The following CSMD1 variants were observed in gnomAD, a reference collection of about 807,000 sequenced individuals.
CSMD1 encodes CUB and sushi domain-containing protein 1.
A neutral mutation model predicts 417.5 loss-of-function variants in CSMD1; 213 were observed. The ratio of observed to expected loss-of-function variants is 0.51; its 90% CI spans 0.46 to 0.57. The LOEUF is 0.57. Ranked by LOEUF, CSMD1 falls within the 20% of genes least tolerant of loss-of-function variation. CSMD1 has a pLI of 0.00. For missense variants in CSMD1, 6,923 were observed against 4,529.7 expected, an observed-to-expected ratio of 1.53 and a Z score of -15.17; for synonymous variants, 2,862 against 1,736.8, an observed-to-expected ratio of 1.65 and a Z score of -16.11.
At chr8:3,483,064 A>G (rs1276732427) in intron 11 of CSMD1, among the ~76,000 whole-genome samples, 1 of 152,144 alleles carries the variant, frequency 6.6e-6, no homozygotes, top group Non-Finnish European at 1.5e-5. Flanking sequence ...CTACCTCAAG[A>G]TTCTAGCATA....
At chr8:4,224,547 G>C (rs78784607) in intron 3 of CSMD1, among the ~76,000 whole-genome samples, 4,366 of 152,202 alleles carry the variant, frequency 0.029, 205 homozygotes, top group African/African-American at 0.1. Flanking sequence ...AGGAACTCAA[G>C]GGAAGAGGAA....
chr8:4,865,227 A>C (rs1442576713), intron 1 of CSMD1, among the ~76,000 whole-genome samples: 1 of 151,862 alleles, frequency 6.6e-6, no homozygotes, highest in Non-Finnish European at 1.5e-5. Context: ...TATTTAAAAA[A>C]TTAAATACTT....
intron 7 of CSMD1, among the ~76,000 whole-genome samples, chr8:3,667,530 G>A (rs1356722867): frequency 1.3e-5 from 2 of 152,128 alleles, no homozygotes; most frequent in African/African-American, 2.4e-5. Flanking sequence ...CTGTTGGGAT[G>A]AGGTCAGGAA....
intron 2 of CSMD1, among the ~76,000 whole-genome samples, chr8:4,533,633 T>C (rs1253729750): frequency 1.3e-5 from 2 of 152,020 alleles, no homozygotes; most frequent in Non-Finnish European, 1.5e-5. Flanking sequence ...ATGATGAAGA[T>C]CTGGCAGACC....
intron 5 of CSMD1, among the ~76,000 whole-genome samples, chr8:3,925,532 G>A (rs76080846): frequency 9.8e-4 from 149 of 152,300 alleles, no homozygotes; most frequent in African/African-American, 3.5e-3. Flanking sequence ...AAAACTTCCA[G>A]AATTCCCAGG....
In CSMD1 at chr8:4,791,583, A is replaced by T. The variant is rs140734846; in HGVS notation, c.86-154025T>A. Among the ~76,000 whole-genome samples, 6 of 152,320 alleles carry T rather than the reference A, an allele frequency of 3.9e-5. No homozygotes were observed. The East Asian group carries it at 1.2e-3, about 29-fold the overall frequency. The stretch of plus-strand genomic sequence containing the variant: ...TTTTGGCTAGAAACTAACGTGAGGA[A>T]ATCTGAAGCAGGACCTTAAGCAGCA... On this transcript the variant is annotated intron_variant, in intron 1 of 69. Transcript: ENST00000635120.
At chr8:4,129,074 C>CAAAAAAAAAAA (rs10538387) in intron 3 of CSMD1, among the ~76,000 whole-genome samples, 1 of 80,746 alleles carries the variant, frequency 1.2e-5, no homozygotes, top group Non-Finnish European at 2.4e-5. Flanking sequence ...GAGTCCAACT[C>CAAAAAAAAAAA]AAAAAAAAAA....
chr8:4,022,327 C>G (rs1476412045), intron 4 of CSMD1, among the ~76,000 whole-genome samples: 1 of 151,908 alleles, frequency 6.6e-6, no homozygotes, highest in Admixed American at 6.6e-5. Flanking sequence ...GTGAACACCC[C>G]TCCAATTCAG....
At chr8:4,132,276 A>C (rs993050390) in intron 3 of CSMD1, among the ~76,000 whole-genome samples, 1 of 149,996 alleles carries the variant, frequency 6.7e-6, no homozygotes, top group Non-Finnish European at 1.5e-5. Flanking sequence ...AATTTTATCC[A>C]AGGTGATGTT....
intron 3 of CSMD1, among the ~76,000 whole-genome samples, chr8:4,075,223 G>C (rs1164752514): frequency 6.6e-6 from 1 of 152,074 alleles, no homozygotes; most frequent in Non-Finnish European, 1.5e-5. Context: ...ATTCTAGTAT[G>C]TGCAGCTTAA....
chr8:4,669,153 C>T (rs148444870), intron 1 of CSMD1, among the ~76,000 whole-genome samples: 12 of 152,286 alleles, frequency 7.9e-5, no homozygotes, highest in Non-Finnish European at 1.5e-4. Context: ...TCCTTCTTCG[C>T]TTCCTTTAGG....
chr8:4,698,903 A>AACACAC (rs71988727), intron 1 of CSMD1, among the ~76,000 whole-genome samples: 1,913 of 140,196 alleles, frequency 0.014, 37 homozygotes, highest in East Asian at 0.087. Flanking sequence ...ATACCCTCCC[A>AACACAC]ACACACACAC....
intron 13 of CSMD1, 25 bp downstream of exon 13, chr8:3,409,398 G>A (rs770737611): frequency 2.0e-5 from 31 of 1,584,756 alleles, no homozygotes; most frequent in Middle Eastern, 1.7e-4. Context: ...ACAGGAGGGA[G>A]TCCAGGTCAA....
chr8:3,960,033 C>T (rs1812217314), intron 5 of CSMD1, among the ~76,000 whole-genome samples: 1 of 152,188 alleles, frequency 6.6e-6, no homozygotes, highest in Non-Finnish European at 1.5e-5. Context: ...TGCAAGGAGC[C>T]TTCTGGGCAT....
intron 3 of CSMD1, among the ~76,000 whole-genome samples, chr8:4,046,397 C>A (rs1296763688): frequency 1.3e-5 from 2 of 152,094 alleles, no homozygotes; most frequent in Non-Finnish European, 2.9e-5. Context: ...ATTACAAATC[C>A]ATGATTTTCA....
chr8:3,691,370 AAAAAAAACAAAAC>A (rs1423343052), intron 7 of CSMD1, among the ~76,000 whole-genome samples: 1 of 152,068 alleles, frequency 6.6e-6, no homozygotes, highest in East Asian at 1.9e-4. Flanking sequence ...CTGTCTCAAA[AAAAAAAACAAAAC>A]AAAAAAACAA....
chr8:4,775,033 GAAC>G lies in CSMD1; in HGVS notation c.86-137478_86-137476del, dbSNP rs1206041612. ...GCAGTGTGAGAATGGACTAATATAT[GAAC>G]AATAGGAAATCAAGATATACAAGAG... On this transcript the variant is annotated intron_variant, in intron 1 of 69. Coordinates refer to ENST00000635120, the MANE Select transcript of CSMD1 (RefSeq NM_033225.6). Among the ~76,000 whole-genome samples, 7 of 152,006 alleles carry G rather than the reference GAAC, an allele frequency of 4.6e-5. No homozygotes were observed. In the East Asian group the frequency reaches 9.6e-4, roughly 21 times the overall value.
At chr8:3,565,753 G>A (rs528481705) in intron 10 of CSMD1, among the ~76,000 whole-genome samples, 18 of 151,722 alleles carry the variant, frequency 1.2e-4, no homozygotes, top group Admixed American at 3.9e-4. Context: ...ATTAAGAAAC[G>A]TGTAGTGTAA....
intron 3 of CSMD1, among the ~76,000 whole-genome samples, chr8:4,068,352 A>G (rs2042526): frequency 0.73 from 110,608 of 152,038 alleles, 40,423 homozygotes; most frequent in South Asian, 0.77. Context: ...CTCAAAGCAG[A>G]GAGGGGATCT....
Sources: allele counts gnomAD v4.1 joint callset (sites outside exome capture counted in the v4.1 genomes callset), GRCh38; gene constraint gnomAD v4.1.1; transcripts MANE v1.5; gene names NCBI Gene and HGNC (gene_info 2026-07-23, HGNC 2026-07-21).